Variants in PRKN observed in about 807,000 individuals in gnomAD.
The protein encoded by PRKN is E3 ubiquitin-protein ligase parkin.
Under a neutral mutation model 59.5 loss-of-function variants are expected in PRKN, and 56 were observed. That is an observed-to-expected ratio of 0.94 (90% CI 0.76 to 1.18). The LOEUF (loss-of-function observed/expected upper bound fraction) is 1.18, where lower values mean the gene tolerates loss of function less well. PRKN is among the 50% of genes most tolerant of loss of function. PRKN has a pLI of 0.00. For missense variants in PRKN, 657 were observed against 596.4 expected, an observed-to-expected ratio of 1.10 and a Z score of -1.06; for synonymous variants, 250 against 222.1, an observed-to-expected ratio of 1.13 and a Z score of -1.12.
intron 7 of PRKN, among the ~76,000 whole-genome samples, chr6:161,705,155 T>C (rs921535108): frequency 2.0e-5 from 3 of 152,136 alleles, no homozygotes; most frequent in Non-Finnish European, 4.4e-5. Flanking sequence ...CAACTATATA[T>C]AGAGGCTCCT....
intron 2 of PRKN, among the ~76,000 whole-genome samples, chr6:162,316,963 T>TA (rs906982208): frequency 4.6e-5 from 7 of 151,758 alleles, no homozygotes; most frequent in Non-Finnish European, 7.4e-5. Context: ...TTCATTGCAG[T>TA]AAAAAAAAGA....
intron 9 of PRKN, among the ~76,000 whole-genome samples, chr6:161,500,568 C>A (rs1777923048): frequency 6.6e-6 from 1 of 152,152 alleles, no homozygotes; most frequent in Non-Finnish European, 1.5e-5. Flanking sequence ...GTAGTCTTTT[C>A]AGATTGGCAT....
rs1456048136 is a variant in PRKN at position 161,401,891 on chromosome 6, A to T, written c.1084-15014T>A. On this transcript the variant is annotated intron_variant, in intron 9 of 11. Transcript: ENST00000366898. This position sits in a 1 kb window ranked among gnomAD's most constrained non-coding sequence, Gnocchi z 4.4. ...AGAAGATGAGAGATCCAGAGGTCTG[A>T]GATGTTTGTTCACACACCAATCTCT... Among the ~76,000 whole-genome samples, 1 of 152,162 alleles carries T rather than the reference A, an allele frequency of 6.6e-6. No individual in the cohort carries two copies. Among genetic ancestry groups the T allele is most frequent in the African/African-American group, 2.4e-5 (1 of 41,430 alleles).
intron 1 of PRKN, among the ~76,000 whole-genome samples, chr6:162,486,125 C>T (rs1349814869): frequency 6.6e-6 from 1 of 152,186 alleles, no homozygotes; most frequent in African/African-American, 2.4e-5. Context: ...CTCCACCCAA[C>T]CCCCTCCTAA....
At chr6:161,937,063 G>C (rs1476479744) in intron 6 of PRKN, among the ~76,000 whole-genome samples, 4 of 152,170 alleles carry the variant, frequency 2.6e-5, no homozygotes, top group Non-Finnish European at 5.9e-5. Flanking sequence ...TGGGATTACA[G>C]GCATGAGCCA....
intron 5 of PRKN, among the ~76,000 whole-genome samples, chr6:161,991,088 AG>A (rs112446584): frequency 9.2e-5 from 14 of 152,308 alleles, no homozygotes; most frequent in African/African-American, 3.1e-4. Context: ...AAGAGAGAAT[AG>A]GATGATATAG....
At chr6:162,036,126 G>C (rs1028253089) in intron 5 of PRKN, among the ~76,000 whole-genome samples, 209 of 151,714 alleles carry the variant, frequency 1.4e-3, no homozygotes, top group African/African-American at 4.2e-3. Flanking sequence ...AGATAGAGAC[G>C]ATCCTGGCTA....
chr6:162,224,458 A>G (rs778399863), intron 3 of PRKN, among the ~76,000 whole-genome samples: 2 of 152,186 alleles, frequency 1.3e-5, no homozygotes, highest in Non-Finnish European at 2.9e-5. Flanking sequence ...TGATGTTCAC[A>G]CAATGCCAAG....
At chr6:161,846,457 C>T (rs536947786) in intron 6 of PRKN, among the ~76,000 whole-genome samples, 2 of 152,144 alleles carry the variant, frequency 1.3e-5, no homozygotes, top group Non-Finnish European at 2.9e-5. Flanking sequence ...TCATTCAACG[C>T]ATATTTATTG....
intron 2 of PRKN, among the ~76,000 whole-genome samples, chr6:162,333,426 T>C (rs1242165617): frequency 6.6e-6 from 1 of 152,128 alleles, no homozygotes; most frequent in African/African-American, 2.4e-5. Context: ...GCTCACTTCA[T>C]GTCTCTGCAT....
At chr6:161,736,732 C>T (rs930034069) in intron 7 of PRKN, among the ~76,000 whole-genome samples, 2 of 152,178 alleles carry the variant, frequency 1.3e-5, no homozygotes, top group African/African-American at 4.8e-5. Context: ...AGATATACAA[C>T]TTTCTGGGGG....
At chr6:161,596,473 G>T (rs1166492143) in intron 7 of PRKN, among the ~76,000 whole-genome samples, 1 of 152,058 alleles carries the variant, frequency 6.6e-6, no homozygotes, top group African/African-American at 2.4e-5. Context: ...TTCTTTTTCT[G>T]ACATTGTTTT....
intron 1 of PRKN, among the ~76,000 whole-genome samples, chr6:162,552,194 T>C (rs146370695): frequency 2.6e-5 from 4 of 152,182 alleles, no homozygotes; most frequent in African/African-American, 9.6e-5. Context: ...TTGGTGGCCA[T>C]AGGTGTGAGT....
At chr6:162,251,298 T>C (rs938165951) in intron 3 of PRKN, among the ~76,000 whole-genome samples, 20 of 152,174 alleles carry the variant, frequency 1.3e-4, no homozygotes, top group Non-Finnish European at 1.9e-4. Context: ...AAAACACTAG[T>C]ACATGAAGTG....
chr6:161,528,368 C>T (rs1779086385), intron 9 of PRKN, among the ~76,000 whole-genome samples: 2 of 150,714 alleles, frequency 1.3e-5, no homozygotes. Context: ...GCTGTTCCTC[C>T]ACCCCTTCCA....
chr6:162,710,229 A>G (rs1223687972), intron 1 of PRKN, among the ~76,000 whole-genome samples: 1 of 152,050 alleles, frequency 6.6e-6, no homozygotes, highest in East Asian at 1.9e-4. Flanking sequence ...CTTGTTGATT[A>G]ACACGGAGCT....
In PRKN at chr6:161,448,554, G is replaced by A. The variant is rs375836408; in HGVS notation, c.1084-61677C>T. On this transcript the variant is annotated intron_variant, in intron 9 of 11. Coordinates refer to ENST00000366898, the MANE Select transcript of PRKN (RefSeq NM_004562.3). The surrounding 1 kb of genome is among the most constrained non-coding windows in gnomAD (Gnocchi z 5.1). ...CGATTCTCTTATCCCAGTTTCTTCC[G>A]TCTTTCTTCTCTTCTTTCTCTTTCT... Among the ~76,000 whole-genome samples, 26 of 152,222 alleles carry A rather than the reference G, an allele frequency of 1.7e-4. No homozygotes were observed. In the East Asian group the frequency reaches 3.7e-3, roughly 21 times the overall value.
chr6:162,019,592 A>AGAGT (rs1783057412), intron 5 of PRKN, among the ~76,000 whole-genome samples: 1 of 152,200 alleles, frequency 6.6e-6, no homozygotes. Flanking sequence ...ACCCAGCTGA[A>AGAGT]GAGTGCTTCT....
chr6:161,747,377 A>G (rs549470357), intron 7 of PRKN, among the ~76,000 whole-genome samples: 8 of 151,452 alleles, frequency 5.3e-5, no homozygotes, highest in Non-Finnish European at 4.4e-5. Context: ...AAACCAAGGT[A>G]ATGGAAGTGA....
Sources: gnomAD v4.1 joint callset for allele counts (sites outside exome capture counted in the v4.1 genomes callset) on GRCh38, gnomAD v4.1.1 for gene constraint, Gnocchi (gnomAD v3.1) non-coding constraint, MANE v1.5 for transcripts, NCBI Gene and HGNC (gene_info 2026-07-23, HGNC 2026-07-21) for gene names.